Variants in PRR5 observed in about 807,000 individuals in gnomAD.
The protein encoded by PRR5 is proline-rich protein 5.
In PRR5, 25 loss-of-function variants were observed where a neutral mutation model predicts 30.6. That is an observed-to-expected ratio of 0.82 (90% CI 0.60 to 1.14). PRR5 has a LOEUF of 1.14. PRR5 is among the 50% of genes most tolerant of loss of function. PRR5 has a pLI of 0.00. For missense variants in PRR5, 600 were observed against 547.1 expected, an observed-to-expected ratio of 1.10 and a Z score of -0.96; for synonymous variants, 286 against 247.1, an observed-to-expected ratio of 1.16 and a Z score of -1.48.
intron 1 of PRR5, among the ~76,000 whole-genome samples, chr22:44,712,436 G>A (rs1275042828): frequency 2.0e-5 from 3 of 152,188 alleles, no homozygotes; most frequent in Non-Finnish European, 2.9e-5. Flanking sequence ...CCTGCCCTGC[G>A]CCAGCGAGGA....
At chr22:44,706,767 A>G (rs1387478407) in intron 1 of PRR5, among the ~76,000 whole-genome samples, 1 of 151,952 alleles carries the variant, frequency 6.6e-6, no homozygotes, top group Non-Finnish European at 1.5e-5. Context: ...ACCTCAAGCA[A>G]TCCACCTGCC....
chr22:44,706,373 G>A (rs976663286), intron 1 of PRR5, among the ~76,000 whole-genome samples: 1 of 152,198 alleles, frequency 6.6e-6, no homozygotes, highest in African/African-American at 2.4e-5. Context: ...GTTCCCAGAG[G>A]GAGGCATTGG....
chr22:44,734,939 T>C, intron 6 of PRR5, 88 bp from the exon 7 acceptor site: 1 of 1,463,054 alleles, frequency 6.8e-7, no homozygotes, highest in Non-Finnish European at 9.4e-7. Context: ...GAGGACAGGC[T>C]GTCTGGTGGG....
At chr22:44,695,031 C>T (rs1004136265) in intron 1 of PRR5, among the ~76,000 whole-genome samples, 8 of 152,122 alleles carry the variant, frequency 5.3e-5, no homozygotes, top group East Asian at 1.9e-4. Flanking sequence ...ATTAGCTAGG[C>T]GTGGTGGCAG....
intron 5 of PRR5, 45 bp from the exon 6 acceptor site, chr22:44,732,206 C>T (rs143032102): frequency 1.6e-5 from 26 of 1,601,486 alleles, no homozygotes; most frequent in African/African-American, 1.2e-4. Context: ...GAGATGAGGA[C>T]GCATGTGACC....
At chr22:44,676,473 GA>G (rs1923778801), upstream of PRR5, among the ~76,000 whole-genome samples, 1 of 151,510 alleles carries the variant, frequency 6.6e-6, no homozygotes, top group Non-Finnish European at 1.5e-5. Context: ...CTGGCTCAGA[GA>G]GTGTGATGGC....
intron 4 of PRR5, chr22:44,730,106 C>G (rs904325015): frequency 1.0e-6 from 1 of 985,318 alleles, no homozygotes; most frequent in Non-Finnish European, 1.2e-6. Flanking sequence ...CAGGGCTGCC[C>G]CTGGCGGGGT....
intron 2 of PRR5, among the ~76,000 whole-genome samples, chr22:44,718,648 G>A (rs897730256): frequency 6.6e-6 from 1 of 152,142 alleles, no homozygotes; most frequent in Non-Finnish European, 1.5e-5. Flanking sequence ...GGAGAGTTCA[G>A]TTTGTCCACA....
intron 6 of PRR5, chr22:44,734,744 G>C (rs1479947384): frequency 2.0e-6 from 1 of 490,220 alleles, no homozygotes; most frequent in African/African-American, 1.9e-5. Flanking sequence ...AGGGGTGGAA[G>C]GTGCAGAACA....
chr22:44,679,407 A>G (rs1208105979), intron 1 of PRR5: 1 of 159,000 alleles, frequency 6.3e-6, no homozygotes, highest in Non-Finnish European at 1.4e-5. Context: ...GGCAACTGCC[A>G]CAAAGACACA....
At chr22:44,708,890 C>G (rs1486816034) in intron 1 of PRR5, among the ~76,000 whole-genome samples, 1 of 141,670 alleles carries the variant, frequency 7.1e-6, no homozygotes, top group East Asian at 2.2e-4. Context: ...TCACTTGAAC[C>G]TGGGAGGTAG....
upstream of PRR5, among the ~76,000 whole-genome samples, chr22:44,673,485 A>G (rs148244266): frequency 1.6e-3 from 236 of 152,248 alleles, no homozygotes; most frequent in African/African-American, 5.4e-3. Flanking sequence ...TCATCATCCC[A>G]TTGTACAGAC....
At chr22:44,733,321 A>G (rs1042376626) in intron 6 of PRR5, among the ~76,000 whole-genome samples, 1 of 152,208 alleles carries the variant, frequency 6.6e-6, no homozygotes. Flanking sequence ...ACCCCATTTT[A>G]CAGGTAGGGG....
At chr22:44,683,557 C>T (rs1924477996) in intron 1 of PRR5, among the ~76,000 whole-genome samples, 1 of 152,238 alleles carries the variant, frequency 6.6e-6, no homozygotes, top group South Asian at 2.1e-4. Context: ...CCTCCCACGC[C>T]CAGCACCCCG....
rs1003050114 is a variant in PRR5, at chr22:44,708,965, T to G, written c.135-5626T>G. Among the ~76,000 whole-genome samples, 22 of 37,674 alleles carry G rather than the reference T, an allele frequency of 5.8e-4. 1 individual carries two copies. Among genetic ancestry groups the G allele is most frequent in the Non-Finnish European group, 7.6e-4 (17 of 22,426 alleles). The allele number at this position is 37,674 out of a possible 152,430, so 24.7% of individuals were successfully genotyped here. On this transcript the variant is annotated intron_variant, in intron 1 of 7. Transcript: ENST00000336985. ...CTGGGGGACAGAGTGAGACTCTGTC[T>G]CAAAAAAAAAAAAAAAAAAAAAAAA... is the stretch of plus-strand genomic sequence containing the variant.
intron 1 of PRR5, among the ~76,000 whole-genome samples, chr22:44,695,004 C>G (rs1925620220): frequency 6.6e-6 from 1 of 152,138 alleles, no homozygotes; most frequent in African/African-American, 2.4e-5. Flanking sequence ...AACCCCATCT[C>G]TACTAAAAAT....
intron 1 of PRR5, among the ~76,000 whole-genome samples, chr22:44,671,703 C>T (rs1009408813): frequency 3.9e-5 from 6 of 152,146 alleles, no homozygotes; most frequent in Admixed American, 3.3e-4. Flanking sequence ...ACAGCTTAGG[C>T]GACTGAGGGG....
At chr22:44,688,775 G>A in intron 1 of PRR5, among the ~76,000 whole-genome samples, 1 of 152,084 alleles carries the variant, frequency 6.6e-6, no homozygotes, top group South Asian at 2.1e-4. Flanking sequence ...ATCACTTGAG[G>A]TCAGGAGTTC....
Position 44,711,318 on chromosome 22 carries a change from G to A in PRR5, c.135-3273G>A, listed in dbSNP as rs779011878. ...CTGCGAGGGAGGGCAGGTGAAGGGC[G>A]AGCCCCAGGCAGAGGGAACAGCAGG... On this transcript the variant is annotated intron_variant, in intron 1 of 7. Coordinates refer to ENST00000336985, the MANE Select transcript of PRR5 (RefSeq NM_181333.4). Among the ~76,000 whole-genome samples the A allele has an allele frequency of 6.0e-4, 91 of 152,164 alleles. 1 individual carries two copies. Among genetic ancestry groups the A allele is most frequent in the Non-Finnish European group, 6.9e-4 (47 of 68,022 alleles).
Sources: gnomAD v4.1 joint callset for allele counts (sites outside exome capture counted in the v4.1 genomes callset) on GRCh38, gnomAD v4.1.1 for gene constraint, MANE v1.5 for transcripts, NCBI Gene and HGNC (gene_info 2026-07-23, HGNC 2026-07-21) for gene names.